Variants in NKAIN3 observed in about 807,000 individuals in gnomAD.
NKAIN3 encodes the protein sodium/potassium transporting ATPase interacting 3.
Under a neutral mutation model 30.2 loss-of-function variants are expected in NKAIN3, and 25 were observed. That is an observed-to-expected ratio of 0.83 (90% CI 0.60 to 1.16). The LOEUF (loss-of-function observed/expected upper bound fraction) is 1.16, where lower values mean the gene tolerates loss of function less well. NKAIN3 is among the 50% of genes most tolerant of loss of function. The probability of loss-of-function intolerance (pLI) is 0.00; values close to 1 mark genes in which losing one functional copy is unlikely to be tolerated. For synonymous variants in NKAIN3, 91 were observed against 89.6 expected, an observed-to-expected ratio of 1.02 and a Z score of -0.09; for missense variants, 225 against 254.1, an observed-to-expected ratio of 0.89 and a Z score of 0.78.
chr8:62,917,601 TC>T (rs1822146593), intron 4 of NKAIN3, among the ~76,000 whole-genome samples: 1 of 152,206 alleles, frequency 6.6e-6, no homozygotes, highest in Admixed American at 6.5e-5. Flanking sequence ...AGAAAAAGTT[TC>T]TTTTCCCGGT....
chr8:62,965,510 C>G lies in NKAIN3; in HGVS notation c.*103C>G. ...CCTGGCTTTCCCACGAATCATGGAG[C>G]ATTTTGGTCACAGCCTTTGTATTAT... On this transcript the variant is annotated 3_prime_UTR_variant, in exon 7 of 7. Coordinates refer to ENST00000623646, the MANE Select transcript of NKAIN3 (RefSeq NM_001304533.3). The G allele has an allele frequency of 1.0e-6, 1 of 984,552 alleles. No individual in the cohort carries two copies. The highest frequency in any genetic ancestry group is 5.2e-4 in the Middle Eastern group (1 of 1,910). The allele number at this position is 984,552 out of a possible 1,614,324, so 61.0% of individuals were successfully genotyped here.
intron 1 of NKAIN3, among the ~76,000 whole-genome samples, chr8:62,576,279 T>C (rs1325689907): frequency 3.9e-5 from 6 of 152,136 alleles, no homozygotes; most frequent in Non-Finnish European, 4.4e-5. Flanking sequence ...AAAAATCTAA[T>C]AATCTGATCA....
intron 3 of NKAIN3, among the ~76,000 whole-genome samples, chr8:62,682,764 T>A (rs1288934870): frequency 6.6e-6 from 1 of 152,022 alleles, no homozygotes; most frequent in Non-Finnish European, 1.5e-5. Context: ...GCCATAATCT[T>A]CCTGGGAACA....
At chr8:62,532,265 G>A (rs191088806) in intron 1 of NKAIN3, among the ~76,000 whole-genome samples, 415 of 152,164 alleles carry the variant, frequency 2.7e-3, no homozygotes, top group African/African-American at 8.5e-3. Context: ...ATGGTACCAG[G>A]GTAGTGGACA....
At chr8:62,419,975 A>G (rs1275256240) in intron 1 of NKAIN3, among the ~76,000 whole-genome samples, 3 of 152,134 alleles carry the variant, frequency 2.0e-5, no homozygotes, top group South Asian at 2.1e-4. Context: ...AGTGAAGGAC[A>G]CTTCTATATA....
intron 1 of NKAIN3, among the ~76,000 whole-genome samples, chr8:62,319,298 A>AT (rs1369104395): frequency 2.6e-5 from 4 of 151,958 alleles, no homozygotes; most frequent in African/African-American, 7.3e-5. Context: ...GGATTCATTG[A>AT]TTTTTTGAAG....
chr8:62,558,869 T>C (rs1187659561), intron 1 of NKAIN3, among the ~76,000 whole-genome samples: 2 of 152,114 alleles, frequency 1.3e-5, no homozygotes, highest in Non-Finnish European at 2.9e-5. Flanking sequence ...CCACAAACAT[T>C]GGCATGTTGT....
Position 62,755,746 on chromosome 8 carries a change from TCACTATA to T in NKAIN3, c.471+8621_471+8627del, listed in dbSNP as rs1454123591. Among the ~76,000 whole-genome samples the T allele has an allele frequency of 2.6e-5, 4 of 152,268 alleles. No homozygotes were observed. In the East Asian group the frequency reaches 7.7e-4, roughly 29 times the overall value. On this transcript the variant is annotated intron_variant, in intron 4 of 6. Coordinates refer to ENST00000623646, the MANE Select transcript of NKAIN3 (RefSeq NM_001304533.3). Reference sequence around the variant, plus strand: ...CTATTAAAGATTTAGACTGACTTACTCACTATACACCATCTCTGGTCTCTATATTCAG... The same window carrying T: ...CTATTAAAGATTTAGACTGACTTACTCACCATCTCTGGTCTCTATATTCAG...
intron 4 of NKAIN3, among the ~76,000 whole-genome samples, chr8:62,844,952 A>G (rs1421900944): frequency 3.3e-5 from 5 of 151,682 alleles, no homozygotes; most frequent in African/African-American, 1.2e-4. Context: ...AGTGCTCTGC[A>G]CCCTCCCGTT....
At chr8:62,675,247 C>T (rs1813438444) in intron 3 of NKAIN3, among the ~76,000 whole-genome samples, 1 of 152,068 alleles carries the variant, frequency 6.6e-6, no homozygotes, top group African/African-American at 2.4e-5. Flanking sequence ...CGTAGCAAGA[C>T]CTTTATCCTG....
intron 4 of NKAIN3, among the ~76,000 whole-genome samples, chr8:62,795,112 C>A (rs549895187): frequency 6.6e-6 from 1 of 152,154 alleles, no homozygotes; most frequent in African/African-American, 2.4e-5. Context: ...GATTCTCAGA[C>A]CTGTCTGAGT....
At chr8:62,446,160 C>A (rs1201483962) in intron 1 of NKAIN3, among the ~76,000 whole-genome samples, 1 of 152,070 alleles carries the variant, frequency 6.6e-6, no homozygotes, top group African/African-American at 2.4e-5. Context: ...ACTAAGAAAT[C>A]CCTTTTAATA....
rs192443438 is a variant in NKAIN3, at chr8:62,863,143, T to C, written c.472-55310T>C. ...GGAAGGTGCAGCTGAGGTGATGTTT[T>C]CTTCTATTATTTTCCTTTCGGCTTC... On this transcript the variant is annotated intron_variant, in intron 4 of 6. Transcript: ENST00000623646. 2,608 of 1,492,352 alleles carry C rather than the reference T, an allele frequency of 1.7e-3. 3 individuals are homozygous for C. Among genetic ancestry groups the C allele is most frequent in the Admixed American group, 2.4e-3 (139 of 58,846 alleles). The allele number at this position is 1,492,352 out of a possible 1,614,324, so 92.4% of individuals were successfully genotyped here. A position where few individuals can be genotyped will look rare whatever the true frequency, so the allele number is the denominator to read the frequency against.
chr8:62,951,501 G>T (rs1823283890), intron 5 of NKAIN3, among the ~76,000 whole-genome samples: 1 of 152,146 alleles, frequency 6.6e-6, no homozygotes. Flanking sequence ...TTCCCAAGCT[G>T]GAGTGCAGTG....
chr8:62,954,470 T>C (rs1057341262), intron 6 of NKAIN3, among the ~76,000 whole-genome samples: 2 of 152,172 alleles, frequency 1.3e-5, no homozygotes, highest in African/African-American at 4.8e-5. Flanking sequence ...CTATTACTCT[T>C]CCCAGTACTC....
In NKAIN3 at chr8:62,973,194, G is replaced by A. The variant is rs914916635; in HGVS notation, c.*7787G>A. 6.6e-6 allele frequency among the ~76,000 whole-genome samples: 1 copy of A among 152,218 alleles called. No homozygotes were observed. ...TCCTTTGGGTATACACCCAGTAGGG[G>A]ATTGCTGGATCAAATGGTATTTCTA... is the stretch of plus-strand genomic sequence containing the variant. On this transcript the variant is annotated 3_prime_UTR_variant, in exon 7 of 7. Coordinates refer to ENST00000623646, the MANE Select transcript of NKAIN3 (RefSeq NM_001304533.3).
intron 1 of NKAIN3, among the ~76,000 whole-genome samples, chr8:62,364,874 C>T (rs1419510217): frequency 7.1e-6 from 1 of 141,086 alleles, no homozygotes; most frequent in East Asian, 2.1e-4. Context: ...TATTTTACTT[C>T]CATAGTACAC....
chr8:62,533,327 G>C (rs76983802), intron 1 of NKAIN3, among the ~76,000 whole-genome samples: 212 of 152,288 alleles, frequency 1.4e-3, no homozygotes, highest in East Asian at 0.014. Context: ...ATACCTTCTG[G>C]GGGGATAATC....
At chr8:62,500,489 AAAAGAAAGAAAGAAAGAAG>A (rs1807409631) in intron 1 of NKAIN3, among the ~76,000 whole-genome samples, 1 of 124,582 alleles carries the variant, frequency 8.0e-6, no homozygotes, top group African/African-American at 3.4e-5. Flanking sequence ...AAGAAAGAAG[AAAAGAAAGAAAGAAAGAAG>A]GAAAGAAAGA....
Sources: allele counts gnomAD v4.1 joint callset (sites outside exome capture counted in the v4.1 genomes callset), GRCh38; gene constraint gnomAD v4.1.1; transcripts MANE v1.5; gene names NCBI Gene and HGNC (gene_info 2026-07-23, HGNC 2026-07-21).